Variants in ZBTB4 observed in about 807,000 individuals in gnomAD.
ZBTB4 encodes zinc finger and BTB domain containing 4, also known as zinc finger and BTB domain-containing protein 4.
A neutral mutation model predicts 59.8 loss-of-function variants in ZBTB4; 14 were observed. The ratio of observed to expected loss-of-function variants is 0.23; its 90% CI spans 0.15 to 0.37. The LOEUF (loss-of-function observed/expected upper bound fraction) is 0.37, where lower values mean the gene tolerates loss of function less well. ZBTB4 is among the 10% of genes least tolerant of loss of function. The pLI is 1.00. For synonymous variants in ZBTB4, 587 were observed against 575.2 expected (o/e 1.02, Z -0.29); for missense variants, 1,198 against 1,380.8 (o/e 0.87, Z 2.10).
Position 7,466,420 on chromosome 17 carries a change from A to G in ZBTB4, c.382T>C (p.Leu128=), listed in dbSNP as rs760863659. The G allele has an allele frequency of 4.6e-5, 74 of 1,613,218 alleles. No homozygotes were observed. Among genetic ancestry groups the G allele is most frequent in the Non-Finnish European group, 6.1e-5 (72 of 1,179,800 alleles). ...PASSPPRVLE[L]PGVPAAAFSD... The stretch of plus-strand genomic sequence containing the variant: ...AACGCAGCTGCTGGGACTCCTGGCA[A>G]CTCCAGGACCCGGGGTGGGGAAGAA... The change falls in exon 3 of 4, where the codon TTG becomes CTG. Residue 128 remains leucine, a synonymous_variant. Coordinates refer to ENST00000380599, the MANE Select transcript of ZBTB4 (RefSeq NM_001128833.2). The surrounding 1 kb of genome is among the most constrained non-coding windows in gnomAD (Gnocchi z 9.1).
upstream of ZBTB4, chr17:7,482,213 T>C (rs781546940): frequency 3.1e-6 from 5 of 1,614,002 alleles, no homozygotes; most frequent in South Asian, 2.2e-5. Context: ...CATCTGTCGA[T>C]GCCTCTTCCA....
chr17:7,483,305 A>C (rs1243711201), upstream of ZBTB4: 1 of 500,560 alleles, frequency 2.0e-6, no homozygotes, highest in Non-Finnish European at 3.6e-6. Context: ...GGAGGACTTC[A>C]CTCAGCAGCA....
chr17:7,468,683 G>A (rs1377037492), intron 1 of ZBTB4, among the ~76,000 whole-genome samples: 2 of 152,152 alleles, frequency 1.3e-5, no homozygotes, highest in Non-Finnish European at 1.5e-5. Context: ...GTGTCCTTCC[G>A]TATGCCGTGG....
At chr17:7,464,658 T>G (rs1273453354) in intron 3 of ZBTB4, among the ~76,000 whole-genome samples, 1 of 151,464 alleles carries the variant, frequency 6.6e-6, no homozygotes, top group Non-Finnish European at 1.5e-5. Flanking sequence ...GCCAACATGG[T>G]GAAACCCTGT....
At chr17:7,471,741 TC>T (rs763142274) in intron 1 of ZBTB4, among the ~76,000 whole-genome samples, 1 of 152,218 alleles carries the variant, frequency 6.6e-6, no homozygotes, top group Non-Finnish European at 1.5e-5. Flanking sequence ...AATTAATAGT[TC>T]CTACCTTGTG....
chr17:7,474,233 T>TTTC (rs2070238437), intron 1 of ZBTB4, among the ~76,000 whole-genome samples: 1 of 149,862 alleles, frequency 6.7e-6, no homozygotes. Context: ...TTTTTTTTTT[T>TTTC]GACATGAGGT....
At chr17:7,483,699 G>A (rs2070376696), upstream of ZBTB4, among the ~76,000 whole-genome samples, 1 of 152,130 alleles carries the variant, frequency 6.6e-6, no homozygotes, top group South Asian at 2.1e-4. Flanking sequence ...TGCTTTTCTC[G>A]GATTGTCGCG....
intron 1 of ZBTB4, among the ~76,000 whole-genome samples, chr17:7,471,588 G>A (rs575473043): frequency 8.5e-5 from 13 of 152,312 alleles, no homozygotes; most frequent in Non-Finnish European, 1.6e-4. Flanking sequence ...CCAACCCAGC[G>A]TTTGGACGCA....
At chr17:7,478,934 C>A (rs1280084835) in intron 1 of ZBTB4, among the ~76,000 whole-genome samples, 1 of 152,200 alleles carries the variant, frequency 6.6e-6, no homozygotes, top group Non-Finnish European at 1.5e-5. Flanking sequence ...AGACTCACAG[C>A]CACAACCCTG....
At position 7,461,772 on chromosome 17, in the gene ZBTB4, A is replaced by G; in HGVS notation, c.*168T>C. The G allele has an allele frequency of 1.9e-6, 1 of 540,446 alleles. No individual in the cohort carries two copies. Among genetic ancestry groups the G allele is most frequent in the East Asian group, 3.1e-5 (1 of 31,776 alleles). 33.5% of individuals were successfully genotyped at this position (540,446 alleles called of 1,614,324 possible). A position where few individuals can be genotyped will look rare whatever the true frequency, so the allele number is the denominator to read the frequency against. ...GAAAGATCCCTTCCCAGGAGATGGG[A>G]AAACTACATCTCACACAAAGCAGCC... On this transcript the variant is annotated 3_prime_UTR_variant, in exon 4 of 4. Transcript: ENST00000380599.
Position 7,466,936 on chromosome 17 carries a change from CT to C in ZBTB4, c.-9-127del. 1 of 1,420,814 alleles carries C rather than the reference CT, an allele frequency of 7.0e-7. No homozygotes were observed. Among genetic ancestry groups the C allele is most frequent in the African/African-American group, 1.4e-5 (1 of 69,566 alleles). 88.0% of individuals were successfully genotyped at this position (1,420,814 alleles called of 1,614,324 possible). A position where few individuals can be genotyped will look rare whatever the true frequency, so the allele number is the denominator to read the frequency against. On this transcript the variant is annotated intron_variant, in intron 2 of 3. Coordinates refer to ENST00000380599, the MANE Select transcript of ZBTB4 (RefSeq NM_001128833.2). The surrounding 1 kb of genome is among the most constrained non-coding windows in gnomAD (Gnocchi z 9.1). ...AAACTAGTGGAAGGCTGAATCACTTCTGGTCACAGAAGTCAGGGGTTGGCCC... is the reference window on the plus strand; with the variant it reads ...AAACTAGTGGAAGGCTGAATCACTTCGGTCACAGAAGTCAGGGGTTGGCCC...
rs780914358 is a variant in ZBTB4 at position 7,465,988 on chromosome 17, C to T, written c.814G>A (p.Gly272Ser). The T allele has an allele frequency of 2.5e-6, 4 of 1,602,862 alleles. No homozygotes were observed. The highest frequency in any genetic ancestry group is 3.4e-6 in the Non-Finnish European group (4 of 1,172,450). Reference protein sequence around the residue: ...TRGSTGLGAGGAGPGGPAGVD... With the variant: ...TRGSTGLGAGSAGPGGPAGVD... ...CCTGCAGGACCACCAGGGCCAGCGC[C>T]CCCAGCTCCCAGCCCTGTAGACCCC... Residue 272 changes from glycine (G) to serine (S), a missense_variant, in exon 3 of 4, where the codon GGC becomes AGC. Gly to Ser is a moderately conservative substitution (Grantham distance 56). Coordinates refer to ENST00000380599, the MANE Select transcript of ZBTB4 (RefSeq NM_001128833.2).
rs1010636038 is a variant in ZBTB4, at chr17:7,460,916, A to G, written c.*1024T>C. 1 of 152,616 alleles carries G rather than the reference A, an allele frequency of 6.6e-6. No individual in the cohort carries two copies. The highest frequency in any genetic ancestry group is 1.5e-5 in the Non-Finnish European group (1 of 68,046). The allele number at this position is 152,616 out of a possible 1,614,324, so 9.5% of individuals were successfully genotyped here. A position where few individuals can be genotyped will look rare whatever the true frequency, so the allele number is the denominator to read the frequency against. On this transcript the variant is annotated 3_prime_UTR_variant, in exon 4 of 4. Coordinates refer to ENST00000380599, the MANE Select transcript of ZBTB4 (RefSeq NM_001128833.2). ...ACACTGGGGAGATGGGAATACAGGTAAGGATGGAAGGTCATGTGCAAATCC... is the reference window on the plus strand; with the variant it reads ...ACACTGGGGAGATGGGAATACAGGTGAGGATGGAAGGTCATGTGCAAATCC...
At position 7,466,217 on chromosome 17, in the gene ZBTB4, G is replaced by C. The variant is rs747795686; in HGVS notation, c.585C>G (p.Thr195=). The change falls in exon 3 of 4, where the codon ACC becomes ACG. Residue 195 remains threonine, a synonymous_variant. Coordinates refer to ENST00000380599, the MANE Select transcript of ZBTB4 (RefSeq NM_001128833.2). The surrounding 1 kb of genome is among the most constrained non-coding windows in gnomAD (Gnocchi z 9.1). The part of the protein sequence containing the change: ...WVPPTPAPMA[T]SQPEEDSFGP... ...CAAAGCTGTCCTCTTCAGGCTGCGAGGTGGCCATGGGGGCTGGGGTAGGAG... is the reference window on the plus strand; with the variant it reads ...CAAAGCTGTCCTCTTCAGGCTGCGACGTGGCCATGGGGGCTGGGGTAGGAG... The C allele has an allele frequency of 6.2e-7, 1 of 1,613,596 alleles. No homozygotes were observed. Among genetic ancestry groups the C allele is most frequent in the Non-Finnish European group, 8.5e-7 (1 of 1,179,962 alleles).
At position 7,465,794 on chromosome 17, in the gene ZBTB4, C is replaced by T. The variant is rs763061413; in HGVS notation, c.1008G>A (p.Lys336=). The T allele has an allele frequency of 1.3e-5, 21 of 1,614,192 alleles. No homozygotes were observed. Among genetic ancestry groups the T allele is most frequent in the Non-Finnish European group, 1.7e-5 (20 of 1,180,044 alleles). ...CTTTCTCACAATAGCGGCAGGGGTACTTCCTCCGCCACGAGTGTACATTGC... is the reference window on the plus strand; with the variant it reads ...CTTTCTCACAATAGCGGCAGGGGTATTTCCTCCGCCACGAGTGTACATTGC... ...RHSNVHSWRR[K]YPCRYCEKVF... The change falls in exon 3 of 4, where the codon AAG becomes AAA. Residue 336 remains lysine, a synonymous_variant. Transcript: ENST00000380599.
chr17:7,466,266 C>T lies in ZBTB4; in HGVS notation c.536G>A (p.Gly179Glu). The change falls in exon 3 of 4, where the codon GGG (glycine) becomes GAG (glutamate). Residue 179 changes from glycine (G) to glutamate (E), a missense_variant. Physicochemically the swap from Gly to Glu is moderately conservative, Grantham distance 98. Around this residue, in one of 9 missense-constraint regions of ZBTB4, gnomAD observed 204 missense variants for 205.5 expected, o/e 0.99. Coordinates refer to ENST00000380599, the MANE Select transcript of ZBTB4 (RefSeq NM_001128833.2). This position sits in a 1 kb window ranked among gnomAD's most constrained non-coding sequence, Gnocchi z 9.1. ...AGGTACCCAGGCATCACCTCCCTCCCCCAGGCCCTGAAGGCGGGAGATGCC... is the reference window on the plus strand; with the variant it reads ...AGGTACCCAGGCATCACCTCCCTCCTCCAGGCCCTGAAGGCGGGAGATGCC... ...RLGISRLQGL[G>E]EGGDAWVPPT... is the part of the protein sequence containing the mutation. 6.2e-7 allele frequency: 1 copy of T among 1,613,306 alleles called. No homozygotes were observed. The highest frequency in any genetic ancestry group is 8.5e-7 in the Non-Finnish European group (1 of 1,179,548).
chr17:7,463,287 T>A lies in ZBTB4; in HGVS notation c.1695A>T (p.Gly565=), dbSNP rs777062831. The part of the protein sequence containing the change: ...EEAKGRNPRA[G]RTLTYTAKPV... Reference sequence around the variant, plus strand: ...GCTTGGCTGTGTAAGTCAGAGTCCTTCCAGCCCGTGGATTCCGGCCCTTGG... The same window carrying A: ...GCTTGGCTGTGTAAGTCAGAGTCCTACCAGCCCGTGGATTCCGGCCCTTGG... The change falls in exon 4 of 4, where the codon GGA becomes GGT. Residue 565 remains glycine (G), a synonymous_variant. Coordinates refer to ENST00000380599, the MANE Select transcript of ZBTB4 (RefSeq NM_001128833.2). 1 of 1,610,808 alleles carries A rather than the reference T, an allele frequency of 6.2e-7. No individual in the cohort carries two copies. The highest frequency in any genetic ancestry group is 8.5e-7 in the Non-Finnish European group (1 of 1,178,976).
Position 7,462,553 on chromosome 17 carries a change from C to T in ZBTB4, c.2429G>A (p.Arg810Lys), listed in dbSNP as rs977669850. ...GGCTTCCTCCTTGACATCCCCGGGCCTGGTGCCAGCGCTGCCCTTGGAATA... is the reference window on the plus strand; with the variant it reads ...GGCTTCCTCCTTGACATCCCCGGGCTTGGTGCCAGCGCTGCCCTTGGAATA... ...IAYSKGSAGT[R>K]PGDVKEEAPQ... Residue 810 changes from arginine (R) to lysine (K), a missense_variant, in exon 4 of 4, where the codon AGG becomes AAG. Around this residue, in one of 9 missense-constraint regions of ZBTB4, gnomAD observed 550 missense variants for 541.8 expected, o/e 1.02. Coordinates refer to ENST00000380599, the MANE Select transcript of ZBTB4 (RefSeq NM_001128833.2). The surrounding 1 kb of genome is among the most constrained non-coding windows in gnomAD (Gnocchi z 7.5). 3 of 1,613,832 alleles carry T rather than the reference C, an allele frequency of 1.9e-6. No individual in the cohort carries two copies. Among genetic ancestry groups the T allele is most frequent in the Admixed American group, 1.7e-5 (1 of 60,022 alleles).
chr17:7,472,503 G>A (rs2070211776), intron 1 of ZBTB4, among the ~76,000 whole-genome samples: 2 of 151,398 alleles, frequency 1.3e-5, no homozygotes, highest in African/African-American at 2.4e-5. Context: ...TAATTTTTTT[G>A]TATTTTTAGT....
Sources: gnomAD v4.1 joint callset for allele counts (sites outside exome capture counted in the v4.1 genomes callset) on GRCh38, gnomAD v4.1.1 for gene constraint, gnomAD v4.1.1 regional missense constraint, Gnocchi (gnomAD v3.1) non-coding constraint, MANE v1.5 for transcripts, NCBI Gene and HGNC (gene_info 2026-07-23, HGNC 2026-07-21) for gene names.